VAV2: variants seen among roughly 807,000 people sequenced by gnomAD.
The protein encoded by VAV2 is guanine nucleotide exchange factor VAV2.
VAV2 carries 67 observed loss-of-function variants against 132.5 expected under a neutral mutation model. The observed-to-expected ratio is 0.51, with a 90% CI of 0.42 to 0.62. The LOEUF (loss-of-function observed/expected upper bound fraction) is 0.62, where lower values mean the gene tolerates loss of function less well. Among genes scored for constraint, VAV2 ranks in the 20% least tolerant of loss-of-function variants. VAV2 has a pLI of 0.00. For missense variants in VAV2, 938 were observed against 1,153.6 expected (o/e 0.81, Z 2.71); for synonymous variants, 492 against 443.5 (o/e 1.11, Z -1.37).
At chr9:133,856,263 C>A (rs183763459) in intron 3 of VAV2, among the ~76,000 whole-genome samples, 6 of 152,180 alleles carry the variant, frequency 3.9e-5, no homozygotes, top group African/African-American at 7.2e-5. Context: ...GCGTACTTTA[C>A]AAGGGTTACA....
chr9:133,892,890 C>T (rs557788690), intron 2 of VAV2, among the ~76,000 whole-genome samples: 2 of 152,304 alleles, frequency 1.3e-5, no homozygotes, highest in African/African-American at 2.4e-5. Context: ...AAGAGCCAAG[C>T]GGTCTCCATC....
At chr9:133,891,631 AGGGCGG>A (rs1199760498) in intron 2 of VAV2, among the ~76,000 whole-genome samples, 1 of 1,134 alleles carries the variant, frequency 8.8e-4, no homozygotes. Context: ...GAGGGGAGGG[AGGGCGG>A]GGGATGGGGG....
rs1329227431 is a variant in VAV2, at chr9:133,806,154, G to A, written c.763C>T (p.Leu255=). ...EDLIKVHHSF[L]RAIDVSVMVG... ...ATCACGGACACGTCGATGGCCCTCA[G>A]GAAGCTGTGATGCACCTTGATCAGG... Residue 255 remains leucine, a synonymous_variant, in exon 9 of 30, where the codon CTG becomes TTG. Transcript: ENST00000371850. 2 of 1,612,872 alleles carry A rather than the reference G, an allele frequency of 1.2e-6. No individual in the cohort carries two copies. Among genetic ancestry groups the A allele is most frequent in the East Asian group, 2.2e-5 (1 of 44,862 alleles).
chr9:133,978,896 G>A (rs1842600404), intron 1 of VAV2, among the ~76,000 whole-genome samples: 4 of 152,208 alleles, frequency 2.6e-5, no homozygotes, highest in Admixed American at 1.3e-4. Context: ...AGCTTCAGGG[G>A]ACCAAAAACC....
chr9:133,843,074 C>T (rs771960595), intron 3 of VAV2, among the ~76,000 whole-genome samples: 47 of 152,196 alleles, frequency 3.1e-4, no homozygotes, highest in Non-Finnish European at 5.9e-4. Flanking sequence ...CTTTCCTCAG[C>T]GCGCCATCCC....
At position 133,919,174 on chromosome 9, in the gene VAV2, C is replaced by T. The variant is rs1840209507; in HGVS notation, c.321+19929G>A. Among the ~76,000 whole-genome samples the T allele has an allele frequency of 6.6e-6, 1 of 152,198 alleles. No individual in the cohort carries two copies. The highest frequency in any genetic ancestry group is 1.5e-5 in the Non-Finnish European group (1 of 68,044). On this transcript the variant is annotated intron_variant, in intron 2 of 29. Coordinates refer to ENST00000371850, the MANE Select transcript of VAV2 (RefSeq NM_001134398.2). The surrounding 1 kb of genome is among the most constrained non-coding windows in gnomAD (Gnocchi z 5.8). ...AGGCCTGGCTCTGCCCACAGCCTCT[C>T]CACGCACCCCCTCACTGCTGTGCCC...
intron 9 of VAV2, among the ~76,000 whole-genome samples, chr9:133,805,671 G>A (rs1431093209): frequency 6.6e-6 from 1 of 152,184 alleles, no homozygotes; most frequent in Non-Finnish European, 1.5e-5. Flanking sequence ...GCCTCCGACA[G>A]CCTGGGCATC....
At chr9:133,791,660 C>T in intron 13 of VAV2, 123 bp downstream of exon 13, 2 of 843,258 alleles carry the variant, frequency 2.4e-6, no homozygotes, top group Non-Finnish European at 3.9e-6. Context: ...CGGGCACCAG[C>T]CTCTCAACAG....
chr9:133,830,597 G>C (rs1836225709), intron 4 of VAV2, among the ~76,000 whole-genome samples: 1 of 152,154 alleles, frequency 6.6e-6, no homozygotes. Flanking sequence ...CAGTCCGGTG[G>C]AACTGAGTCA....
Position 133,961,416 on chromosome 9 carries a change from T to G in VAV2, c.205-22197A>C, listed in dbSNP as rs1291398679. Among the ~76,000 whole-genome samples the G allele has an allele frequency of 6.6e-6, 1 of 152,060 alleles. No individual in the cohort carries two copies. The highest frequency in any genetic ancestry group is 1.5e-5 in the Non-Finnish European group (1 of 68,020). ...GTCAGGCTTCTGATGGGAACGGAGGTTGGGAACACCAGCATCTGGGGCTGC... is the reference window on the plus strand; with the variant it reads ...GTCAGGCTTCTGATGGGAACGGAGGGTGGGAACACCAGCATCTGGGGCTGC... On this transcript the variant is annotated intron_variant, in intron 1 of 29. Coordinates refer to ENST00000371850, the MANE Select transcript of VAV2 (RefSeq NM_001134398.2). This position sits in a 1 kb window ranked among gnomAD's most constrained non-coding sequence, Gnocchi z 4.1.
intron 3 of VAV2, among the ~76,000 whole-genome samples, chr9:133,849,749 C>T (rs984353421): frequency 2.6e-4 from 39 of 152,134 alleles, no homozygotes; most frequent in Non-Finnish European, 5.1e-4. Context: ...CTTATGGCTA[C>T]ATCATTCTAA....
At chr9:133,810,164 C>T in intron 6 of VAV2, 27 bp downstream of exon 6, 1 of 1,613,008 alleles carries the variant, frequency 6.2e-7, no homozygotes, top group South Asian at 1.1e-5. Flanking sequence ...GCAGGACGTC[C>T]CCAGCCTCCC....
chr9:133,863,033 C>T lies in VAV2; in HGVS notation c.322-1601G>A, dbSNP rs902407645. On this transcript the variant is annotated intron_variant, in intron 2 of 29. Transcript: ENST00000371850. The surrounding 1 kb of genome is among the most constrained non-coding windows in gnomAD (Gnocchi z 5.0). ...TTCCTCACACAAGACTCGATGGGCC[C>T]ATTATGCGGCCAGCCCAGCCGCACT... Among the ~76,000 whole-genome samples the T allele has an allele frequency of 6.6e-6, 1 of 152,172 alleles. No individual in the cohort carries two copies. The highest frequency in any genetic ancestry group is 1.5e-5 in the Non-Finnish European group (1 of 68,034).
At chr9:133,985,226 T>C (rs964566740) in intron 1 of VAV2, among the ~76,000 whole-genome samples, 3 of 137,154 alleles carry the variant, frequency 2.2e-5, no homozygotes, top group African/African-American at 8.2e-5. Flanking sequence ...TCTTGCCTTA[T>C]TGTGTGTGTG....
intron 2 of VAV2, among the ~76,000 whole-genome samples, chr9:133,938,800 G>T (rs1841022480): frequency 6.6e-6 from 1 of 152,102 alleles, no homozygotes. Context: ...AGAACCACAG[G>T]GCCAGGGTTG....
chr9:133,933,758 ATGGATGGG>A (rs573277101), intron 2 of VAV2, among the ~76,000 whole-genome samples: 27 of 128,550 alleles, frequency 2.1e-4, no homozygotes, highest in South Asian at 8.6e-4. Flanking sequence ...GGATGGATGA[ATGGATGGG>A]TGGATGGGTG....
In VAV2 at chr9:133,763,364, C is replaced by T. The variant is rs1255661625; in HGVS notation, c.*698G>A. On this transcript the variant is annotated 3_prime_UTR_variant, in exon 30 of 30. Coordinates refer to ENST00000371850, the MANE Select transcript of VAV2 (RefSeq NM_001134398.2). This position sits in a 1 kb window ranked among gnomAD's most constrained non-coding sequence, Gnocchi z 6.8. ...TGACCGGGCAGCAGGGTTGGAATTT[C>T]ATCATTCCAAAGGCCCCTCCCAAGA... 1 of 152,196 alleles carries T rather than the reference C, an allele frequency of 6.6e-6. No homozygotes were observed. Among genetic ancestry groups the T allele is most frequent in the Non-Finnish European group, 1.5e-5 (1 of 68,064 alleles). The allele number at this position is 152,196 out of a possible 1,614,324, so 9.4% of individuals were successfully genotyped here. A position where few individuals can be genotyped will look rare whatever the true frequency, so the allele number is the denominator to read the frequency against.
At chr9:133,830,552 C>T (rs1316864159) in intron 4 of VAV2, among the ~76,000 whole-genome samples, 1 of 152,216 alleles carries the variant, frequency 6.6e-6, no homozygotes, top group Non-Finnish European at 1.5e-5. Flanking sequence ...TTTGCTTCCC[C>T]TTCCACCATG....
At chr9:133,786,775 G>A (rs1231992695) in intron 16 of VAV2, among the ~76,000 whole-genome samples, 1 of 152,158 alleles carries the variant, frequency 6.6e-6, no homozygotes, top group African/African-American at 2.4e-5. Context: ...CTTTCAAAGT[G>A]GTCCAGAAAA....
Sources: allele counts gnomAD v4.1 joint callset (sites outside exome capture counted in the v4.1 genomes callset), GRCh38; gene constraint gnomAD v4.1.1; non-coding constraint Gnocchi (gnomAD v3.1); transcripts MANE v1.5; gene names NCBI Gene and HGNC (gene_info 2026-07-23, HGNC 2026-07-21).